The following NFIB variants were observed in gnomAD, a reference collection of about 807,000 sequenced individuals.
The protein encoded by NFIB is nuclear factor I B.
NFIB carries 11 observed loss-of-function variants against 61.5 expected under a neutral mutation model. The observed-to-expected ratio is 0.18, with a 90% CI of 0.11 to 0.30. The LOEUF is 0.30. Among genes scored for constraint, NFIB ranks in the 10% least tolerant of loss-of-function variants. NFIB has a pLI of 1.00. For synonymous variants in NFIB, 260 were observed against 216.5 expected (o/e 1.20, Z -1.76); for missense variants, 471 against 608.9 (o/e 0.77, Z 2.38).
chr9:14,128,900 A>T (rs1023841305), intron 6 of NFIB, among the ~76,000 whole-genome samples: 2 of 152,184 alleles, frequency 1.3e-5, no homozygotes, highest in Admixed American at 6.5e-5. Context: ...TAGAAGTTGA[A>T]GATGATTATG....
intron 2 of NFIB, among the ~76,000 whole-genome samples, chr9:14,251,442 G>C (rs755029320): frequency 5.9e-5 from 9 of 152,128 alleles, no homozygotes; most frequent in Non-Finnish European, 1.0e-4. Context: ...GAACTCAATG[G>C]GGCTCCCAGC....
At chr9:14,308,477 T>A (rs1225818382) in intron 1 of NFIB, among the ~76,000 whole-genome samples, 4 of 152,226 alleles carry the variant, frequency 2.6e-5, no homozygotes, top group African/African-American at 7.2e-5. Flanking sequence ...GTCCGTTAAT[T>A]TGTTCACCGA....
At chr9:14,228,016 C>G (rs2052648245) in intron 2 of NFIB, among the ~76,000 whole-genome samples, 2 of 152,040 alleles carry the variant, frequency 1.3e-5, no homozygotes, top group Non-Finnish European at 2.9e-5. Context: ...AATTCATTTA[C>G]TCTTCCTTTA....
chr9:14,369,541 A>G (rs1316421302), intron 1 of NFIB, among the ~76,000 whole-genome samples: 1 of 151,998 alleles, frequency 6.6e-6, no homozygotes, highest in African/African-American at 2.4e-5. Context: ...AACATCTCCA[A>G]GCCAGAACTC....
chr9:14,115,906 T>C (rs2038059798), intron 9 of NFIB, among the ~76,000 whole-genome samples: 1 of 152,236 alleles, frequency 6.6e-6, no homozygotes, highest in Non-Finnish European at 1.5e-5. Context: ...GCAATTTCAA[T>C]GTATACCTTG....
chr9:14,099,089 G>A (rs1382016534), intron 10 of NFIB, among the ~76,000 whole-genome samples: 1 of 152,166 alleles, frequency 6.6e-6, no homozygotes, highest in African/African-American at 2.4e-5. Context: ...AAGCAGAAAA[G>A]AGGGTGACCA....
the NFIB span, among the ~76,000 whole-genome samples, chr9:14,454,814 G>A: frequency 5.8e-4 from 88 of 152,210 alleles, 3 homozygotes; most frequent in East Asian, 0.016. Context: ...AAATATAAGT[G>A]GAATTGACAT....
At chr9:14,371,950 C>T (rs72700537) in intron 1 of NFIB, among the ~76,000 whole-genome samples, 4,395 of 152,208 alleles carry the variant, frequency 0.029, 107 homozygotes, top group Non-Finnish European at 0.043. Context: ...TGGATGCTCC[C>T]CACTCTGCTC....
At chr9:14,418,108 C>T in the NFIB span, among the ~76,000 whole-genome samples, 1 of 152,074 alleles carries the variant, frequency 6.6e-6, no homozygotes, top group East Asian at 1.9e-4. Context: ...ACAAGCACCC[C>T]AGGAAGTGTT....
At chr9:14,185,012 A>C (rs138745271) in intron 2 of NFIB, among the ~76,000 whole-genome samples, 13 of 152,314 alleles carry the variant, frequency 8.5e-5, no homozygotes, top group African/African-American at 2.6e-4. Context: ...TAATGTTTGG[A>C]ACACAGTAGG....
intron 1 of NFIB, chr9:14,322,348 G>A (rs1038112241): frequency 8.0e-6 from 2 of 250,832 alleles, no homozygotes; most frequent in Non-Finnish European, 1.5e-5. Flanking sequence ...TGTGTGTGTG[G>A]TGGGTTTTAT....
intron 1 of NFIB, among the ~76,000 whole-genome samples, chr9:14,324,099 T>A (rs1045462954): frequency 3.9e-5 from 6 of 152,222 alleles, no homozygotes; most frequent in Admixed American, 2.0e-4. Flanking sequence ...CACACTCAGC[T>A]ATAACTTCCC....
chr9:14,472,033 C>G, the NFIB span, among the ~76,000 whole-genome samples: 1 of 152,194 alleles, frequency 6.6e-6, no homozygotes, highest in Non-Finnish European at 1.5e-5. Flanking sequence ...CCTTGGCACT[C>G]CTGTAATAGG....
At chr9:14,159,444 G>A (rs983579084) in intron 3 of NFIB, among the ~76,000 whole-genome samples, 2 of 152,144 alleles carry the variant, frequency 1.3e-5, no homozygotes, top group Non-Finnish European at 2.9e-5. Flanking sequence ...CTTTAGTGGA[G>A]GAAGGTTTCC....
At position 14,167,083 on chromosome 9, in the gene NFIB, CGG is replaced by C. The variant is rs71491636; in HGVS notation, c.617-11192_617-11191del. ...AGGGCATATTGTTGTGTGTGTGTGTCGGGGGGGGGGGGTTCCCCTTTTTAACA... is the reference window on the plus strand; with the variant it reads ...AGGGCATATTGTTGTGTGTGTGTGTCGGGGGGGGGGTTCCCCTTTTTAACA... On this transcript the variant is annotated intron_variant, in intron 3 of 10. Transcript: ENST00000380953. Among the ~76,000 whole-genome samples the C allele has an allele frequency of 5.6e-3, 583 of 104,548 alleles. 10 individuals are homozygous for C. Among genetic ancestry groups the C allele is most frequent in the African/African-American group, 0.014 (424 of 30,210 alleles). 68.6% of individuals were successfully genotyped at this position (104,548 alleles called of 152,430 possible). A position where few individuals can be genotyped will look rare whatever the true frequency, so the allele number is the denominator to read the frequency against.
the NFIB span, among the ~76,000 whole-genome samples, chr9:14,450,062 T>C: frequency 6.6e-6 from 1 of 152,194 alleles, no homozygotes; most frequent in Non-Finnish European, 1.5e-5. Context: ...GTTGGTTTGC[T>C]GCACCCATTA....
At chr9:14,250,272 T>A in intron 2 of NFIB, among the ~76,000 whole-genome samples, 1 of 151,806 alleles carries the variant, frequency 6.6e-6, no homozygotes, top group East Asian at 1.9e-4. Context: ...AATATCTTTT[T>A]TTGTTTTCTT....
chr9:14,493,020 G>A, the NFIB span, among the ~76,000 whole-genome samples: 3 of 152,196 alleles, frequency 2.0e-5, no homozygotes, highest in South Asian at 4.1e-4. Flanking sequence ...GCTTTAGCCC[G>A]TGATGCTGTG....
the NFIB span, among the ~76,000 whole-genome samples, chr9:14,510,738 G>C: frequency 6.6e-6 from 1 of 152,142 alleles, no homozygotes; most frequent in Non-Finnish European, 1.5e-5. Flanking sequence ...CACATTTTAA[G>C]AAACCAGAAA....
Sources: allele counts gnomAD v4.1 joint callset (sites outside exome capture counted in the v4.1 genomes callset), GRCh38; gene constraint gnomAD v4.1.1; transcripts MANE v1.5; gene names NCBI Gene and HGNC (gene_info 2026-07-23, HGNC 2026-07-21).